The following VSTM2L variants were observed in gnomAD, a reference collection of about 807,000 sequenced individuals.
VSTM2L encodes the protein V-set and transmembrane domain-containing protein 2-like protein.
VSTM2L carries 9 observed loss-of-function variants against 19.9 expected under a neutral mutation model. The observed-to-expected ratio is 0.45, with a 90% confidence interval of 0.27 to 0.79. The LOEUF (loss-of-function observed/expected upper bound fraction) is 0.79, where lower values mean the gene tolerates loss of function less well. Ranked by LOEUF, VSTM2L falls within the 30% of genes least tolerant of loss-of-function variation. The pLI, the probability that VSTM2L is intolerant of heterozygous loss-of-function variation, is 0.15. For synonymous variants in VSTM2L, 127 were observed against 133.8 expected (o/e 0.95, Z 0.35); for missense variants, 286 against 295.5 (o/e 0.97, Z 0.24).
Position 37,944,747 on chromosome 20 carries a change from C to A in VSTM2L, c.*494C>A. On this transcript the variant is annotated 3_prime_UTR_variant, in exon 4 of 4. Coordinates refer to ENST00000373461, the MANE Select transcript of VSTM2L (RefSeq NM_080607.3). ...ACTAGGGCCTCTCCCCTGGTGAAGA[C>A]CCAGGGAACCCAGGAGGGCCCTTCT... The A allele has an allele frequency of 1.0e-6, 1 of 986,708 alleles. No homozygotes were observed. The highest frequency in any genetic ancestry group is 1.2e-6 in the Non-Finnish European group (1 of 830,710). The allele number at this position is 986,708 out of a possible 1,614,324, so 61.1% of individuals were successfully genotyped here. A position where few individuals can be genotyped will look rare whatever the true frequency, so the allele number is the denominator to read the frequency against.
chr20:37,930,829 G>A (rs967598164), intron 1 of VSTM2L, among the ~76,000 whole-genome samples: 5 of 152,134 alleles, frequency 3.3e-5, no homozygotes, highest in African/African-American at 1.2e-4. Flanking sequence ...TCCATCCGCC[G>A]AGCAGCTGCT....
At chr20:37,914,203 GTA>G (rs1332742461) in intron 1 of VSTM2L, among the ~76,000 whole-genome samples, 2 of 150,738 alleles carry the variant, frequency 1.3e-5, no homozygotes, top group African/African-American at 2.4e-5. Flanking sequence ...GTGTGTGCAT[GTA>G]TGTGTGTGTA....
intron 3 of VSTM2L, among the ~76,000 whole-genome samples, chr20:37,940,071 G>A (rs908508219): frequency 6.6e-6 from 1 of 151,440 alleles, no homozygotes; most frequent in Non-Finnish European, 1.5e-5. Flanking sequence ...CCCTAGGAGC[G>A]AGTGCTCCCA....
intron 3 of VSTM2L, among the ~76,000 whole-genome samples, chr20:37,941,824 TAAG>T (rs1256883229): frequency 6.7e-6 from 1 of 149,468 alleles, no homozygotes; most frequent in Non-Finnish European, 1.5e-5. Flanking sequence ...TTTTTTTTTC[TAAG>T]AAGAAGGGGC....
chr20:37,933,730 T>G, intron 3 of VSTM2L, 141 bp downstream of exon 3: 2 of 744,766 alleles, frequency 2.7e-6, no homozygotes, highest in Non-Finnish European at 4.3e-6. Flanking sequence ...AAAATGGCCT[T>G]GCTCTGTTTT....
intron 1 of VSTM2L, among the ~76,000 whole-genome samples, chr20:37,914,165 G>GGTGTGTGTGC (rs1568835043): frequency 1.3e-5 from 2 of 150,978 alleles, no homozygotes; most frequent in Non-Finnish European, 3.0e-5. Context: ...GTATGTGTGT[G>GGTGTGTGTGC]GTGTGTGTGC....
At chr20:37,933,921 T>C (rs941503700) in intron 3 of VSTM2L, among the ~76,000 whole-genome samples, 1 of 152,256 alleles carries the variant, frequency 6.6e-6, no homozygotes, top group African/African-American at 2.4e-5. Flanking sequence ...GCCAGCTTTT[T>C]TTGGCCTATC....
intron 2 of VSTM2L, among the ~76,000 whole-genome samples, chr20:37,932,737 G>C (rs1304986900): frequency 6.6e-6 from 1 of 152,028 alleles, no homozygotes; most frequent in Non-Finnish European, 1.5e-5. Flanking sequence ...CTTGACCTTT[G>C]TCTCAAGGTC....
intron 1 of VSTM2L, among the ~76,000 whole-genome samples, chr20:37,922,701 G>A (rs1044233181): frequency 1.3e-5 from 2 of 152,186 alleles, no homozygotes; most frequent in African/African-American, 2.4e-5. Context: ...TGTGCAGAGG[G>A]AGACAGGAGA....
intron 1 of VSTM2L, among the ~76,000 whole-genome samples, chr20:37,921,837 C>CTTTTTTTTTTTTTTT (rs1568837638): frequency 7.9e-6 from 1 of 126,616 alleles, no homozygotes; most frequent in African/African-American, 3.6e-5. Flanking sequence ...TCTTTCTTTT[C>CTTTTTTTTTTTTTTT]CTTTTTTTTT....
intron 1 of VSTM2L, 105 bp downstream of exon 1, chr20:37,903,576 G>T (rs6021782): frequency 0.18 from 235,330 of 1,304,208 alleles, 25,345 homozygotes; most frequent in African/African-American, 0.5. Flanking sequence ...CAGTCGTGGC[G>T]GGCATCCCGG....
intron 1 of VSTM2L, among the ~76,000 whole-genome samples, chr20:37,915,031 G>C (rs1277209676): frequency 6.6e-6 from 1 of 152,244 alleles, no homozygotes. Flanking sequence ...CCTGCTCGCT[G>C]GGGAGCTGTT....
chr20:37,911,858 T>G (rs1194432239), intron 1 of VSTM2L, among the ~76,000 whole-genome samples: 1 of 152,020 alleles, frequency 6.6e-6, no homozygotes, highest in Admixed American at 6.6e-5. Context: ...AGAAACCACA[T>G]CTTTTGTCCT....
Position 37,944,565 on chromosome 20 carries a change from T to C in VSTM2L, c.*312T>C. 1 of 1,149,336 alleles carries C rather than the reference T, an allele frequency of 8.7e-7. No individual in the cohort carries two copies. Among genetic ancestry groups the C allele is most frequent in the Non-Finnish European group, 1.1e-6 (1 of 935,494 alleles). The allele number at this position is 1,149,336 out of a possible 1,614,324, so 71.2% of individuals were successfully genotyped here. A position where few individuals can be genotyped will look rare whatever the true frequency, so the allele number is the denominator to read the frequency against. On this transcript the variant is annotated 3_prime_UTR_variant, in exon 4 of 4. Transcript: ENST00000373461. The stretch of plus-strand genomic sequence containing the variant: ...CCACCCCCTTCCTGTCACCAGCTTC[T>C]GTGGAGTCCAGTGTTTTGCTTTGCT...
chr20:37,915,488 TGAG>T (rs1230574016), intron 1 of VSTM2L, among the ~76,000 whole-genome samples: 1 of 151,682 alleles, frequency 6.6e-6, no homozygotes, highest in Non-Finnish European at 1.5e-5. Context: ...CCAGGCTACG[TGAG>T]GAGGTGACAG....
At chr20:37,931,508 G>T (rs1042141695) in intron 1 of VSTM2L, 127 bp from the exon 2 acceptor site, 5 of 1,048,456 alleles carry the variant, frequency 4.8e-6, no homozygotes, top group Non-Finnish European at 6.9e-6. Context: ...GGGCTTGCAG[G>T]TCACCCCACC....
intron 1 of VSTM2L, among the ~76,000 whole-genome samples, chr20:37,907,108 AT>A (rs2072755603): frequency 6.6e-6 from 1 of 152,034 alleles, no homozygotes; most frequent in Non-Finnish European, 1.5e-5. Context: ...TTTTATTATT[AT>A]TTTTTAATTT....
chr20:37,911,712 C>T (rs2122938214), intron 1 of VSTM2L, among the ~76,000 whole-genome samples: 2 of 152,320 alleles, frequency 1.3e-5, no homozygotes, highest in African/African-American at 4.8e-5. Context: ...ACTATACTCC[C>T]CTCTCCCCCA....
rs2072875264 is a variant in VSTM2L at position 37,925,627 on chromosome 20, C to A, written c.122-6008C>A. Among the ~76,000 whole-genome samples the A allele has an allele frequency of 2.6e-5, 4 of 152,192 alleles. No individual in the cohort carries two copies. The South Asian group carries it at 8.3e-4, about 31-fold the overall frequency. ...CCAGAGCCTTGAGTTTCCCACTTGT[C>A]CTGTGGACACACTGCCTCCTTCACT... On this transcript the variant is annotated intron_variant, in intron 1 of 3. Coordinates refer to ENST00000373461, the MANE Select transcript of VSTM2L (RefSeq NM_080607.3).
Sources: gnomAD v4.1 joint callset for allele counts (sites outside exome capture counted in the v4.1 genomes callset) on GRCh38, gnomAD v4.1.1 for gene constraint, MANE v1.5 for transcripts, NCBI Gene and HGNC (gene_info 2026-07-23, HGNC 2026-07-21) for gene names.